Variants in COL5A2 observed in about 807,000 individuals in gnomAD.
COL5A2 encodes the protein collagen type V alpha 2 chain.
A neutral mutation model predicts 208.2 loss-of-function variants in COL5A2; 23 were observed. The ratio of observed to expected loss-of-function variants is 0.11; its 90% CI spans 0.08 to 0.16. COL5A2 has a LOEUF of 0.16. COL5A2 is among the 10% of genes least tolerant of loss of function. The pLI, the probability that COL5A2 is intolerant of heterozygous loss-of-function variation, is 1.00. For missense variants in COL5A2, 1,590 were observed against 1,956.4 expected (o/e 0.81, Z 3.53); for synonymous variants, 625 against 628.5 (o/e 0.99, Z 0.08).
chr2:189,285,378 C>G, the COL5A2 span, among the ~76,000 whole-genome samples: 5 of 152,162 alleles, frequency 3.3e-5, no homozygotes, highest in Non-Finnish European at 7.4e-5. Flanking sequence ...ATTCCAGGAC[C>G]TGCACCTCCA....
rs1259503073 is a variant in COL5A2, at chr2:189,083,964, T to A, written c.852+20A>T. The A allele has an allele frequency of 6.3e-7, 1 of 1,585,024 alleles. No homozygotes were observed. Among genetic ancestry groups the A allele is most frequent in the Non-Finnish European group, 8.7e-7 (1 of 1,153,762 alleles). Reference sequence around the variant, plus strand: ...TTCTTTATTTTTCAAAGTTTGCCTTTATGTTGAGTATAAACTTACCGGAGA... The same window carrying A: ...TTCTTTATTTTTCAAAGTTTGCCTTAATGTTGAGTATAAACTTACCGGAGA... On this transcript the variant is annotated intron_variant, in intron 12 of 53. Coordinates refer to ENST00000374866, the MANE Select transcript of COL5A2 (RefSeq NM_000393.5).
chr2:189,277,878 T>G, the COL5A2 span, among the ~76,000 whole-genome samples: 1 of 152,122 alleles, frequency 6.6e-6, no homozygotes, highest in Admixed American at 6.5e-5. Flanking sequence ...AGTCAGGGAC[T>G]TTCTTTTCCC....
chr2:189,304,647 C>T, the COL5A2 span, among the ~76,000 whole-genome samples: 3 of 152,132 alleles, frequency 2.0e-5, no homozygotes, highest in East Asian at 1.9e-4. Flanking sequence ...AGGGATCACC[C>T]CCATGACTCA....
chr2:189,249,895 G>A, the COL5A2 span, among the ~76,000 whole-genome samples: 60 of 152,180 alleles, frequency 3.9e-4, no homozygotes, highest in Non-Finnish European at 5.4e-4. Flanking sequence ...ATGGGTTTTC[G>A]CCATGTTGGG....
the COL5A2 span, among the ~76,000 whole-genome samples, chr2:189,379,525 C>T: frequency 2.0e-5 from 3 of 152,020 alleles, no homozygotes; most frequent in Non-Finnish European, 4.4e-5. Context: ...GCAGAGGTAC[C>T]TAAGGCAAAA....
chr2:189,196,251 A>T (rs1340059715), intron 1 of COL5A2, among the ~76,000 whole-genome samples: 1 of 151,834 alleles, frequency 6.6e-6, no homozygotes, highest in African/African-American at 2.4e-5. Flanking sequence ...CTGTCTTGCA[A>T]TGTTTCTGAT....
intron 50 of COL5A2, among the ~76,000 whole-genome samples, chr2:189,039,981 C>A (rs1685524978): frequency 6.6e-6 from 1 of 152,130 alleles, no homozygotes; most frequent in Non-Finnish European, 1.5e-5. Flanking sequence ...GGAATAGTGG[C>A]TGCTGGTTCT....
the COL5A2 span, among the ~76,000 whole-genome samples, chr2:189,333,570 C>A: frequency 2.0e-5 from 3 of 152,046 alleles, no homozygotes; most frequent in African/African-American, 7.2e-5. Flanking sequence ...GAAGTCCTAA[C>A]CCCCAGTACC....
rs1203529018 is a variant in COL5A2 at position 189,049,284 on chromosome 2, G to GA, written c.3147+62dup. 155 of 1,166,636 alleles carry GA rather than the reference G, an allele frequency of 1.3e-4. No homozygotes were observed. In the East Asian group the frequency reaches 3.9e-3, roughly 29 times the overall value. The allele number at this position is 1,166,636 out of a possible 1,614,324, so 72.3% of individuals were successfully genotyped here. ...TAAAATTCTAAATCAATTGCTAAAT[G>GA]AAAAAAATTGTTTCCATGACACCAG... On this transcript the variant is annotated intron_variant, in intron 44 of 53. Transcript: ENST00000374866.
chr2:189,277,796 T>C, the COL5A2 span, among the ~76,000 whole-genome samples: 1 of 152,150 alleles, frequency 6.6e-6, no homozygotes, highest in Non-Finnish European at 1.5e-5. Context: ...TATGTATTAC[T>C]TGACAAAATA....
the COL5A2 span, among the ~76,000 whole-genome samples, chr2:189,352,316 C>T: frequency 6.6e-6 from 1 of 152,124 alleles, no homozygotes; most frequent in Admixed American, 6.6e-5. Context: ...GGTATACACC[C>T]AGTAATGAGA....
Position 189,045,223 on chromosome 2 carries a change from C to T in COL5A2, c.3319G>A (p.Gly1107Ser), listed in dbSNP as rs1191680530. The change falls in exon 47 of 54, where the codon GGT (glycine) becomes AGT (serine). Residue 1107 changes from glycine to serine, a missense_variant. Physicochemically the swap from Gly to Ser is moderately conservative, Grantham distance 56. Coordinates refer to ENST00000374866, the MANE Select transcript of COL5A2 (RefSeq NM_000393.5). ...AGQRGDPGSR[G>S]PIGPPGRAGK... ...GCTCGACCAGGTGGTCCTATAGGAC[C>T]CCGAGAACCCTAAAAGAAATTTACA... is the stretch of plus-strand genomic sequence containing the variant. 6.2e-7 allele frequency: 1 copy of T among 1,605,376 alleles called. No individual in the cohort carries two copies.
intron 2 of COL5A2, among the ~76,000 whole-genome samples, chr2:189,106,030 T>G (rs934388366): frequency 2.6e-5 from 4 of 151,500 alleles, no homozygotes; most frequent in Non-Finnish European, 5.9e-5. Flanking sequence ...AACTAATGAA[T>G]CCTTTTTAAA....
At position 189,052,194 on chromosome 2, in the gene COL5A2, C is replaced by A. The variant is rs1685804318; in HGVS notation, c.2747G>T (p.Arg916Ile). The change falls in exon 41 of 54, where the codon AGA becomes ATA. Residue 916 changes from arginine (R) to isoleucine (I), a missense_variant. Coordinates refer to ENST00000374866, the MANE Select transcript of COL5A2 (RefSeq NM_000393.5). ...TACAGCAGGGCCTGGAGGTCCAACT[C>A]TGCCCGCAGAACCAGGAAATCCTGT... ...GATGFPGSAGRVGPPGPAGAP... is the reference protein window; with the variant it reads ...GATGFPGSAGIVGPPGPAGAP... 6.2e-7 allele frequency: 1 copy of A among 1,613,800 alleles called. No homozygotes were observed.
upstream of COL5A2, among the ~76,000 whole-genome samples, chr2:189,180,341 G>T (rs779361343): frequency 3.9e-5 from 6 of 152,170 alleles, no homozygotes; most frequent in Non-Finnish European, 8.8e-5. Context: ...TTGGATAAAT[G>T]AATTTGTGAT....
In COL5A2 at chr2:189,037,548, A is replaced by T. The variant is rs1685469227; in HGVS notation, c.3926-745T>A. ...TTCCTGTCAATGTCATTTCAAAGTT[A>T]ACTTAAATTCTTAGGCTCTTTGTAG... is the stretch of plus-strand genomic sequence containing the variant. On this transcript the variant is annotated intron_variant, in intron 51 of 53. Coordinates refer to ENST00000374866, the MANE Select transcript of COL5A2 (RefSeq NM_000393.5). Among the ~76,000 whole-genome samples the T allele has an allele frequency of 2.6e-5, 4 of 152,220 alleles. No individual in the cohort carries two copies. The South Asian group carries it at 6.2e-4, about 24-fold the overall frequency.
At chr2:189,103,121 T>C (rs929534164) in intron 3 of COL5A2, among the ~76,000 whole-genome samples, 12 of 152,092 alleles carry the variant, frequency 7.9e-5, no homozygotes, top group African/African-American at 1.7e-4. Flanking sequence ...TATCTGTCTA[T>C]CCATGCATCC....
rs1686494741 is a variant in COL5A2, at chr2:189,079,966, T to A, written c.960+12A>T. Reference sequence around the variant, plus strand: ...CCAAAGTGAGGTTACAGTGAGATAATTATAAGATTACCTTGGAACCAGGTG... The same window carrying A: ...CCAAAGTGAGGTTACAGTGAGATAAATATAAGATTACCTTGGAACCAGGTG... On this transcript the variant is annotated intron_variant, in intron 14 of 53. Transcript: ENST00000374866. 6.2e-7 allele frequency: 1 copy of A among 1,609,258 alleles called. No homozygotes were observed. Among genetic ancestry groups the A allele is most frequent in the African/African-American group, 1.3e-5 (1 of 74,796 alleles).
At chr2:189,198,092 G>A (rs187583860) in intron 1 of COL5A2, among the ~76,000 whole-genome samples, 458 of 152,094 alleles carry the variant, frequency 3.0e-3, no homozygotes, top group Non-Finnish European at 4.7e-3. Flanking sequence ...CTCGTGATCC[G>A]CCTGCTTACC....
Sources: allele counts gnomAD v4.1 joint callset (sites outside exome capture counted in the v4.1 genomes callset), GRCh38; gene constraint gnomAD v4.1.1; transcripts MANE v1.5; gene names NCBI Gene and HGNC (gene_info 2026-07-23, HGNC 2026-07-21).